Variants in TUBGCP3 observed in about 807,000 individuals in gnomAD.
The protein encoded by TUBGCP3 is tubulin gamma complex component 3, also known as gamma-tubulin complex component 3.
A neutral mutation model predicts 123.1 loss-of-function variants in TUBGCP3; 50 were observed. The ratio of observed to expected loss-of-function variants is 0.41; its 90% CI spans 0.32 to 0.51. The LOEUF (loss-of-function observed/expected upper bound fraction) is 0.51, where lower values mean the gene tolerates loss of function less well. Among genes scored for constraint, TUBGCP3 ranks in the 20% least tolerant of loss-of-function variants. The pLI is 0.36. For synonymous variants in TUBGCP3, 405 were observed against 413.9 expected, an observed-to-expected ratio of 0.98 and a Z score of 0.26; for missense variants, 882 against 1,127.0, an observed-to-expected ratio of 0.78 and a Z score of 3.11.
chr13:112,555,694 A>G (rs1171318979), intron 6 of TUBGCP3, among the ~76,000 whole-genome samples: 1 of 152,200 alleles, frequency 6.6e-6, no homozygotes, highest in Admixed American at 6.5e-5. Flanking sequence ...GAAGAAGGTG[A>G]CTTTTACTGG....
intron 1 of TUBGCP3, among the ~76,000 whole-genome samples, chr13:112,569,966 AC>A (rs1881274125): frequency 6.6e-6 from 1 of 152,120 alleles, no homozygotes; most frequent in East Asian, 1.9e-4. Context: ...AGAAGAAATA[AC>A]AGTTCCCACT....
rs1881421020 is a variant in TUBGCP3, at chr13:112,508,043, C to T, written c.2087-3329G>A. Among the ~76,000 whole-genome samples the T allele has an allele frequency of 6.6e-6, 1 of 152,166 alleles. No individual in the cohort carries two copies. Among genetic ancestry groups the T allele is most frequent in the Non-Finnish European group, 1.5e-5 (1 of 68,024 alleles). On this transcript the variant is annotated intron_variant, in intron 17 of 21. Transcript: ENST00000261965. This position sits in a 1 kb window ranked among gnomAD's most constrained non-coding sequence, Gnocchi z 4.2. ...GTGTCAGCCTAAACTCCTGACATCC[C>T]ACTCCAGCCCATCCCAGTGCTGCCT...
chr13:112,514,059 T>C (rs1234387274), intron 17 of TUBGCP3, among the ~76,000 whole-genome samples: 6 of 152,086 alleles, frequency 3.9e-5, no homozygotes, highest in Non-Finnish European at 8.8e-5. Flanking sequence ...GGTCAACAGA[T>C]CACGAGAAAA....
intron 11 of TUBGCP3, among the ~76,000 whole-genome samples, chr13:112,543,922 A>T (rs1405141049): frequency 6.6e-6 from 1 of 152,226 alleles, no homozygotes; most frequent in Admixed American, 6.5e-5. Context: ...AAGAAGAAAT[A>T]AAAAAATAAC....
intron 3 of TUBGCP3, among the ~76,000 whole-genome samples, chr13:112,563,735 C>T (rs186949450): frequency 1.3e-5 from 2 of 149,170 alleles, no homozygotes; most frequent in African/African-American, 2.5e-5. Context: ...ATTAGCCGGG[C>T]GTGTTGGCGG....
At position 112,554,048 on chromosome 13, in the gene TUBGCP3, T is replaced by C. The variant is rs763403196; in HGVS notation, c.966+9A>G. On this transcript the variant is annotated intron_variant, in intron 8 of 21. Coordinates refer to ENST00000261965, the MANE Select transcript of TUBGCP3 (RefSeq NM_006322.6). ...CAGCATCCCAGCATCCTAGGAACCATGAACGCACCTGCCCGACGAGTCCGA... is the reference window on the plus strand; with the variant it reads ...CAGCATCCCAGCATCCTAGGAACCACGAACGCACCTGCCCGACGAGTCCGA... The C allele has an allele frequency of 1.2e-5, 19 of 1,608,568 alleles. No individual in the cohort carries two copies. Among genetic ancestry groups the C allele is most frequent in the Middle Eastern group, 3.3e-4 (2 of 6,036 alleles).
At chr13:112,547,419 T>C (rs113923467) in intron 10 of TUBGCP3, 21,220 of 887,216 alleles carry the variant, frequency 0.024, 384 homozygotes, top group Middle Eastern at 0.048. Flanking sequence ...AACACGGCCA[T>C]TAAGGACAAA....
At chr13:112,590,411 C>T (rs544860235), upstream of TUBGCP3, among the ~76,000 whole-genome samples, 1 of 152,072 alleles carries the variant, frequency 6.6e-6, no homozygotes, top group African/African-American at 2.4e-5. Context: ...GGGCTGTCTT[C>T]CCAGAATATA....
intron 3 of TUBGCP3, among the ~76,000 whole-genome samples, chr13:112,564,533 A>C (rs1880795721): frequency 6.6e-6 from 1 of 152,180 alleles, no homozygotes; most frequent in Non-Finnish European, 1.5e-5. Flanking sequence ...TCAAAATACA[A>C]GGCTGGGCTT....
chr13:112,514,387 T>C (rs1875897206), intron 17 of TUBGCP3, among the ~76,000 whole-genome samples: 1 of 152,098 alleles, frequency 6.6e-6, no homozygotes, highest in Admixed American at 6.5e-5. Context: ...CATGGTGGCT[T>C]ATGCCTGTAA....
chr13:112,559,239 T>G, intron 4 of TUBGCP3, 83 bp downstream of exon 4: 1 of 1,122,938 alleles, frequency 8.9e-7, no homozygotes, highest in Non-Finnish European at 1.3e-6. Flanking sequence ...TAGCATTATT[T>G]TCTTAGCTGC....
At chr13:112,490,870 G>T (rs559086652) in intron 20 of TUBGCP3, among the ~76,000 whole-genome samples, 1 of 152,126 alleles carries the variant, frequency 6.6e-6, no homozygotes, top group Non-Finnish European at 1.5e-5. Flanking sequence ...GGAGCCCTTC[G>T]ATGGCTTTGT....
intron 17 of TUBGCP3, among the ~76,000 whole-genome samples, chr13:112,513,551 A>T (rs568557193): frequency 6.6e-6 from 1 of 152,372 alleles, no homozygotes; most frequent in Non-Finnish European, 1.5e-5. Context: ...TGTCCTCTGC[A>T]TACCACGCCC....
In TUBGCP3 at chr13:112,524,057, C is replaced by T. The variant is rs1876844555; in HGVS notation, c.1556-1548G>A. 6.6e-6 allele frequency among the ~76,000 whole-genome samples: 1 copy of T among 152,154 alleles called. No homozygotes were observed. Among genetic ancestry groups the T allele is most frequent in the African/African-American group, 2.4e-5 (1 of 41,422 alleles). On this transcript the variant is annotated intron_variant, in intron 13 of 21. Coordinates refer to ENST00000261965, the MANE Select transcript of TUBGCP3 (RefSeq NM_006322.6). The surrounding 1 kb of genome is among the most constrained non-coding windows in gnomAD (Gnocchi z 4.4). ...CAGCAGCGTCAGCAGCAGCAGCGCCCCGTCACCCTCAGCATCTGCAGGGGA... is the reference window on the plus strand; with the variant it reads ...CAGCAGCGTCAGCAGCAGCAGCGCCTCGTCACCCTCAGCATCTGCAGGGGA...
At chr13:112,558,580 A>T (rs1880248594) in intron 4 of TUBGCP3, among the ~76,000 whole-genome samples, 167 bp from the exon 5 acceptor site, 1 of 152,250 alleles carries the variant, frequency 6.6e-6, no homozygotes, top group Non-Finnish European at 1.5e-5. Flanking sequence ...AAATATGCCT[A>T]AACTGATAAA....
At chr13:112,594,209 A>T in the TUBGCP3 span, among the ~76,000 whole-genome samples, 1 of 152,246 alleles carries the variant, frequency 6.6e-6, no homozygotes, top group Admixed American at 6.5e-5. Flanking sequence ...CAAACACATC[A>T]TAAGAAAACT....
At chr13:112,605,343 C>T in the TUBGCP3 span, 1 of 123,256 alleles carries the variant, frequency 8.1e-6, no homozygotes, top group Non-Finnish European at 2.0e-5. Context: ...ATAATAACAA[C>T]AGCTTGGGAC....
chr13:112,592,874 T>C (rs555529316), upstream of TUBGCP3, among the ~76,000 whole-genome samples: 1 of 152,194 alleles, frequency 6.6e-6, no homozygotes, highest in South Asian at 2.1e-4. This position sits in a 1 kb window ranked among gnomAD's most constrained non-coding sequence, Gnocchi z 4.1. Context: ...TGGTCAGACC[T>C]GAAAGATCCC....
chr13:112,546,511 C>T (rs1402401509), intron 10 of TUBGCP3: 1 of 152,338 alleles, frequency 6.6e-6, no homozygotes, highest in Non-Finnish European at 1.5e-5. Flanking sequence ...TTTTATTAGA[C>T]CACTGGTAGA....
Sources: gnomAD v4.1 joint callset for allele counts (sites outside exome capture counted in the v4.1 genomes callset) on GRCh38, gnomAD v4.1.1 for gene constraint, Gnocchi (gnomAD v3.1) non-coding constraint, MANE v1.5 for transcripts, NCBI Gene and HGNC (gene_info 2026-07-23, HGNC 2026-07-21) for gene names.